IGF1R: variants seen among roughly 807,000 people sequenced by gnomAD.
IGF1R encodes insulin-like growth factor 1 receptor.
IGF1R carries 44 observed loss-of-function variants against 144.6 expected under a neutral mutation model. The observed-to-expected ratio is 0.30, with a 90% confidence interval of 0.24 to 0.39. The LOEUF is 0.39. Ranked by LOEUF, IGF1R falls within the 10% of genes least tolerant of loss-of-function variation. IGF1R has a pLI of 1.00. For missense variants in IGF1R, 1,355 were observed against 1,833.7 expected (o/e 0.74, Z 4.77); for synonymous variants, 795 against 722.8 (o/e 1.10, Z -1.60).
intron 2 of IGF1R, among the ~76,000 whole-genome samples, chr15:98,828,333 C>G (rs1464492121): frequency 6.6e-6 from 1 of 152,064 alleles, no homozygotes; most frequent in African/African-American, 2.4e-5. Flanking sequence ...CTACAAAAAG[C>G]CACTGCAAGC....
intron 19 of IGF1R, among the ~76,000 whole-genome samples, chr15:98,944,128 C>T (rs959554776): frequency 2.8e-4 from 42 of 152,190 alleles, no homozygotes; most frequent in Admixed American, 2.6e-3. Context: ...TGGGTATGTG[C>T]ATGCATCTGT....
intron 9 of IGF1R, 110 bp from the exon 10 acceptor site, chr15:98,916,562 G>A (rs773147751): frequency 1.0e-4 from 106 of 1,019,462 alleles, no homozygotes; most frequent in Admixed American, 5.7e-4. Flanking sequence ...ACATCTGGCC[G>A]AGACCAGCTA....
intron 1 of IGF1R, among the ~76,000 whole-genome samples, chr15:98,659,790 G>A (rs113608043): frequency 3.3e-5 from 5 of 152,094 alleles, no homozygotes; most frequent in African/African-American, 1.2e-4. Flanking sequence ...ATTTCATTTG[G>A]AAAAATACAG....
chr15:98,772,155 CA>C (rs2055602125), intron 2 of IGF1R, among the ~76,000 whole-genome samples: 1 of 152,090 alleles, frequency 6.6e-6, no homozygotes, highest in African/African-American at 2.4e-5. Context: ...GACCATGTAG[CA>C]ACTGTGGAAT....
chr15:98,671,500 G>A (rs1401060420), intron 1 of IGF1R, among the ~76,000 whole-genome samples: 1 of 152,218 alleles, frequency 6.6e-6, no homozygotes, highest in Non-Finnish European at 1.5e-5. Context: ...TTGTGTGGTG[G>A]TAGGGGCATG....
chr15:98,813,201 T>A (rs913878227), intron 2 of IGF1R, among the ~76,000 whole-genome samples: 9 of 152,142 alleles, frequency 5.9e-5, no homozygotes, highest in Admixed American at 2.0e-4. Flanking sequence ...CCCCCTAGGG[T>A]TAGCCAGTTC....
chr15:98,766,409 C>T (rs1279870204), intron 2 of IGF1R, among the ~76,000 whole-genome samples: 2 of 152,114 alleles, frequency 1.3e-5, no homozygotes, highest in African/African-American at 2.4e-5. Context: ...TGGATTTATA[C>T]TTTAAAGTAG....
chr15:98,761,609 C>A (rs1040139973), intron 2 of IGF1R, among the ~76,000 whole-genome samples: 1 of 152,232 alleles, frequency 6.6e-6, no homozygotes, highest in African/African-American at 2.4e-5. Context: ...CATGTGAATG[C>A]ATGCATCTTT....
At chr15:98,840,838 G>T (rs1025660556) in intron 2 of IGF1R, among the ~76,000 whole-genome samples, 2 of 152,000 alleles carry the variant, frequency 1.3e-5, no homozygotes, top group African/African-American at 4.8e-5. Context: ...GTGCCACCAC[G>T]CCTGGCTAAC....
At chr15:98,697,860 C>T (rs71403403) in intron 1 of IGF1R, among the ~76,000 whole-genome samples, 524 of 96,626 alleles carry the variant, frequency 5.4e-3, no homozygotes, top group Admixed American at 0.027. Flanking sequence ...GCCTCAGCCA[C>T]CCGAGTAGCT....
chr15:98,688,049 C>T (rs1296732692), intron 1 of IGF1R, among the ~76,000 whole-genome samples: 1 of 152,144 alleles, frequency 6.6e-6, no homozygotes, highest in Non-Finnish European at 1.5e-5. Flanking sequence ...GGAACAGAGG[C>T]TGATGGGCGG....
At chr15:98,817,616 C>CTGAT (rs1179885156) in intron 2 of IGF1R, among the ~76,000 whole-genome samples, 1 of 152,112 alleles carries the variant, frequency 6.6e-6, no homozygotes, top group Non-Finnish European at 1.5e-5. Context: ...TGGGCACAGA[C>CTGAT]TGATGACCAG....
chr15:98,944,823 G>A (rs565232726), intron 19 of IGF1R, among the ~76,000 whole-genome samples: 76 of 152,362 alleles, frequency 5.0e-4, no homozygotes, highest in African/African-American at 1.8e-3. Context: ...AGGCAGGCCA[G>A]CCTCATGCTT....
chr15:98,954,663 C>T (rs925867322), intron 20 of IGF1R, among the ~76,000 whole-genome samples: 1 of 152,146 alleles, frequency 6.6e-6, no homozygotes, highest in African/African-American at 2.4e-5. Context: ...GGCCACAGGG[C>T]ACAGAGCCAA....
chr15:98,847,590 C>T (rs2011382130), intron 2 of IGF1R, among the ~76,000 whole-genome samples: 1 of 152,096 alleles, frequency 6.6e-6, no homozygotes, highest in African/African-American at 2.4e-5. Flanking sequence ...AGGAAATGCT[C>T]GTTTATAACC....
In IGF1R at chr15:98,873,126, G is replaced by A. The variant is rs546540417; in HGVS notation, c.641-18199G>A. On this transcript the variant is annotated intron_variant, in intron 2 of 20. Coordinates refer to ENST00000650285, the MANE Select transcript of IGF1R (RefSeq NM_000875.5). Reference sequence around the variant, plus strand: ...CCTGAAGGTAAAGCTGCTCCAGTGGGAGGGGTTGGGGTAAATGACAATGTT... The same window carrying A: ...CCTGAAGGTAAAGCTGCTCCAGTGGAAGGGGTTGGGGTAAATGACAATGTT... Among the ~76,000 whole-genome samples the A allele has an allele frequency of 2.6e-5, 4 of 152,332 alleles. No homozygotes were observed. In the East Asian group the frequency reaches 7.7e-4, roughly 29 times the overall value.
chr15:98,829,405 C>G (rs958121504), intron 2 of IGF1R, among the ~76,000 whole-genome samples: 3 of 152,040 alleles, frequency 2.0e-5, no homozygotes, highest in Non-Finnish European at 4.4e-5. Context: ...TTCTTTCCCC[C>G]TCTATCCGGG....
chr15:98,658,012 A>G (rs1026711652), intron 1 of IGF1R, among the ~76,000 whole-genome samples: 1 of 152,144 alleles, frequency 6.6e-6, no homozygotes, highest in Non-Finnish European at 1.5e-5. Context: ...TGGACTTGCC[A>G]GCTCCAAATA....
intron 10 of IGF1R, among the ~76,000 whole-genome samples, chr15:98,919,085 T>A (rs1267105522): frequency 6.6e-6 from 1 of 152,208 alleles, no homozygotes; most frequent in African/African-American, 2.4e-5. Flanking sequence ...GTTTGAGGAC[T>A]AGAAAGATTG....
Sources: gnomAD v4.1 joint callset for allele counts (sites outside exome capture counted in the v4.1 genomes callset) on GRCh38, gnomAD v4.1.1 for gene constraint, MANE v1.5 for transcripts, NCBI Gene and HGNC (gene_info 2026-07-23, HGNC 2026-07-21) for gene names.